The following NPNT variants were observed in gnomAD, a reference collection of about 807,000 sequenced individuals.
NPNT encodes the protein nephronectin.
A neutral mutation model predicts 68.6 loss-of-function variants in NPNT; 45 were observed. That is an observed-to-expected ratio of 0.66 (90% CI 0.52 to 0.84). The LOEUF is 0.84. Ranked by LOEUF, NPNT falls within the 40% of genes least tolerant of loss-of-function variation. The pLI is 0.00. For missense variants in NPNT, 672 were observed against 714.8 expected (o/e 0.94, Z 0.68); for synonymous variants, 233 against 253.3 (o/e 0.92, Z 0.76).
At chr4:105,958,365 A>T (rs561185605) in intron 8 of NPNT, 106 bp from the exon 9 acceptor site, 92 of 545,856 alleles carry the variant, frequency 1.7e-4, no homozygotes, top group South Asian at 2.9e-4. Flanking sequence ...CATCCAGATG[A>T]ATAAAATGAC....
intron 2 of NPNT, among the ~76,000 whole-genome samples, chr4:105,898,351 T>TCC: frequency 6.9e-6 from 1 of 144,054 alleles, no homozygotes; most frequent in African/African-American, 2.8e-5. Flanking sequence ...TCTCTCTCTC[T>TCC]CTCTCTCTCT....
intron 8 of NPNT, among the ~76,000 whole-genome samples, chr4:105,955,585 C>CA (rs1163963208): frequency 1.3e-5 from 2 of 150,586 alleles, no homozygotes; most frequent in Non-Finnish European, 3.0e-5. Context: ...CATAGAATTA[C>CA]AAAAAAAGTG....
Position 105,971,362 on chromosome 4 carries a change from G to A in NPNT, c.*2372G>A. On this transcript the variant is annotated 3_prime_UTR_variant, in exon 12 of 12. Transcript: ENST00000379987. ...CTGTCATTTAACCTGGTAAAGGCAGGGCTGGAGGGGGAAAATAAATCATTA... is the reference window on the plus strand; with the variant it reads ...CTGTCATTTAACCTGGTAAAGGCAGAGCTGGAGGGGGAAAATAAATCATTA... The A allele has an allele frequency of 4.0e-6, 1 of 252,392 alleles. No homozygotes were observed. The highest frequency in any genetic ancestry group is 8.4e-6 in the Non-Finnish European group (1 of 119,026). The allele number at this position is 252,392 out of a possible 1,614,324, so 15.6% of individuals were successfully genotyped here. A position where few individuals can be genotyped will look rare whatever the true frequency, so the allele number is the denominator to read the frequency against.
intron 8 of NPNT, among the ~76,000 whole-genome samples, chr4:105,957,549 A>AT (rs923401401): frequency 2.0e-5 from 3 of 152,182 alleles, no homozygotes; most frequent in African/African-American, 4.8e-5. Context: ...GTAAACACTT[A>AT]TTGAGTGCCT....
intron 8 of NPNT, among the ~76,000 whole-genome samples, chr4:105,952,134 T>C (rs1730884726): frequency 6.6e-6 from 1 of 152,350 alleles, no homozygotes; most frequent in Admixed American, 6.5e-5. Context: ...TCCTACTTAA[T>C]TCATAAAAAG....
chr4:105,926,872 T>A (rs1011222836), intron 2 of NPNT, among the ~76,000 whole-genome samples: 1 of 152,214 alleles, frequency 6.6e-6, no homozygotes, highest in Non-Finnish European at 1.5e-5. Flanking sequence ...CCTTTCATAC[T>A]TAGGAATACC....
intron 10 of NPNT, among the ~76,000 whole-genome samples, chr4:105,966,159 C>G (rs1230526341): frequency 6.6e-6 from 1 of 152,184 alleles, no homozygotes; most frequent in Non-Finnish European, 1.5e-5. Flanking sequence ...GTTCAACATT[C>G]CAACCATTTT....
At chr4:105,899,998 T>C (rs1375399422) in intron 2 of NPNT, among the ~76,000 whole-genome samples, 1 of 152,218 alleles carries the variant, frequency 6.6e-6, no homozygotes, top group Non-Finnish European at 1.5e-5. Flanking sequence ...AAGAAAGTCT[T>C]TATGAAATTA....
At chr4:105,966,882 ATGT>A (rs1220742973) in intron 10 of NPNT, among the ~76,000 whole-genome samples, 1 of 152,124 alleles carries the variant, frequency 6.6e-6, no homozygotes, top group Non-Finnish European at 1.5e-5. Flanking sequence ...GAATGTGTAT[ATGT>A]TGTTGTATGC....
At position 105,970,746 on chromosome 4, in the gene NPNT, AC is replaced by A; in HGVS notation, c.*1757del. 1 of 382,052 alleles carries A rather than the reference AC, an allele frequency of 2.6e-6. No individual in the cohort carries two copies. Among genetic ancestry groups the A allele is most frequent in the Non-Finnish European group, 5.0e-6 (1 of 200,362 alleles). The allele number at this position is 382,052 out of a possible 1,614,324, so 23.7% of individuals were successfully genotyped here. A position where few individuals can be genotyped will look rare whatever the true frequency, so the allele number is the denominator to read the frequency against. Reference sequence around the variant, plus strand: ...AGATGTTCTTACCCAAGGAAAAGTAACAAATTATAGAATTTCCCAAAAGATG... The same window carrying A: ...AGATGTTCTTACCCAAGGAAAAGTAAAAATTATAGAATTTCCCAAAAGATG... On this transcript the variant is annotated 3_prime_UTR_variant, in exon 12 of 12. Transcript: ENST00000379987.
At chr4:105,897,584 T>C (rs1725963490) in intron 1 of NPNT, among the ~76,000 whole-genome samples, 2 of 152,210 alleles carry the variant, frequency 1.3e-5, no homozygotes, top group African/African-American at 4.8e-5. Context: ...CTTCAGAAAC[T>C]ATCCTGTGAG....
chr4:105,925,761 C>A (rs985187208), intron 2 of NPNT, among the ~76,000 whole-genome samples: 1 of 152,200 alleles, frequency 6.6e-6, no homozygotes, highest in African/African-American at 2.4e-5. Context: ...ACCTTCTTCA[C>A]GTCAGACCTA....
intron 3 of NPNT, chr4:105,932,591 A>T (rs1729197473): frequency 6.6e-7 from 1 of 1,513,086 alleles, no homozygotes; most frequent in East Asian, 2.5e-5. Flanking sequence ...GTTGACTCTT[A>T]TTACCTTCTT....
At chr4:105,916,106 C>T (rs1727796807) in intron 2 of NPNT, among the ~76,000 whole-genome samples, 1 of 152,176 alleles carries the variant, frequency 6.6e-6, no homozygotes, top group Non-Finnish European at 1.5e-5. Context: ...CCTCTACAAA[C>T]ATATTTTCTT....
chr4:105,907,517 G>A lies in NPNT; in HGVS notation c.172+9516G>A, dbSNP rs534354862. Reference sequence around the variant, plus strand: ...AGCTGAGAAAGTTAGCATTGCCAGGGCCGAGGTTTTCTGTCTTCACGGTAA... The same window carrying A: ...AGCTGAGAAAGTTAGCATTGCCAGGACCGAGGTTTTCTGTCTTCACGGTAA... On this transcript the variant is annotated intron_variant, in intron 2 of 11. Coordinates refer to ENST00000379987, the MANE Select transcript of NPNT (RefSeq NM_001033047.3). Among the ~76,000 whole-genome samples the A allele has an allele frequency of 6.6e-5, 10 of 152,198 alleles. No homozygotes were observed. In the South Asian group the frequency reaches 1.7e-3, roughly 25 times the overall value.
At chr4:105,943,062 A>T (rs377468501) in intron 8 of NPNT, among the ~76,000 whole-genome samples, 159 of 152,336 alleles carry the variant, frequency 1.0e-3, no homozygotes, top group African/African-American at 3.7e-3. Flanking sequence ...CAGTCAGTGA[A>T]CATTTTTGAA....
intron 2 of NPNT, among the ~76,000 whole-genome samples, chr4:105,909,024 C>T (rs1727145271): frequency 6.6e-6 from 1 of 152,124 alleles, no homozygotes; most frequent in African/African-American, 2.4e-5. Flanking sequence ...TTTAGTGCCT[C>T]CTATTTTATT....
At chr4:105,906,778 A>G (rs1243503042) in intron 2 of NPNT, among the ~76,000 whole-genome samples, 2 of 152,224 alleles carry the variant, frequency 1.3e-5, no homozygotes, top group East Asian at 3.9e-4. Context: ...CAGTAAAAGG[A>G]GGATCTGCAA....
At position 105,942,486 on chromosome 4, in the gene NPNT, A is replaced by G; in HGVS notation, c.943A>G (p.Thr315Ala). The change falls in exon 8 of 12, where the codon ACA (threonine) becomes GCA (alanine). Residue 315 changes from threonine (T) to alanine (A), a missense_variant. Transcript: ENST00000379987. ...IITNRPTSKP[T>A]TRPTPKPTPI... ...TACCAACAGGCCTACTTCTAAGCCA[A>G]CAACAAGACCTACACCAAAGCCAAC... 6.2e-7 allele frequency: 1 copy of G among 1,613,430 alleles called. No individual in the cohort carries two copies. The highest frequency in any genetic ancestry group is 8.5e-7 in the Non-Finnish European group (1 of 1,179,796).
Sources: allele counts gnomAD v4.1 joint callset (sites outside exome capture counted in the v4.1 genomes callset), GRCh38; gene constraint gnomAD v4.1.1; transcripts MANE v1.5; gene names NCBI Gene and HGNC (gene_info 2026-07-23, HGNC 2026-07-21).